The following MYO9B variants were observed in gnomAD, a reference collection of about 807,000 sequenced individuals.
MYO9B encodes unconventional myosin-IXb.
A neutral mutation model predicts 229.5 loss-of-function variants in MYO9B; 71 were observed. That is an observed-to-expected ratio of 0.31 (90% CI 0.26 to 0.38). The LOEUF is 0.38. MYO9B is among the 10% of genes least tolerant of loss of function. MYO9B has a pLI of 1.00. For synonymous variants in MYO9B, 1,185 were observed against 1,235.8 expected (o/e 0.96, Z 0.86); for missense variants, 2,255 against 2,920.5 (o/e 0.77, Z 5.25).
At chr19:17,132,178 C>CTGTTTTTTTTTTTTTTT (rs2072205888) in intron 2 of MYO9B, among the ~76,000 whole-genome samples, 1 of 78,424 alleles carries the variant, frequency 1.3e-5, no homozygotes, top group Non-Finnish European at 2.3e-5. Flanking sequence ...TATTTTATTT[C>CTGTTTTTTTTTTTTTTT]TTTTTTTTTT....
chr19:17,212,227 G>A lies in MYO9B; in HGVS notation c.6391G>A (p.Gly2131Ser), dbSNP rs1414170783. ...QGALEPLEEDGQPPGAKRRYS... is the reference protein window; with the variant it reads ...QGALEPLEEDSQPPGAKRRYS... ...CGCCCTGGAGCCCCTAGAAGAGGATGGCCAGCCACCTGGGGCCAAGCGGAG... is the reference window on the plus strand; with the variant it reads ...CGCCCTGGAGCCCCTAGAAGAGGATAGCCAGCCACCTGGGGCCAAGCGGAG... Residue 2131 changes from glycine (G) to serine (S), a missense_variant, in exon 40 of 40, where the codon GGC becomes AGC. By Grantham distance (56) the Gly-to-Ser change is moderately conservative (BLOSUM62 0). Transcript: ENST00000682292. The surrounding 1 kb of genome is among the most constrained non-coding windows in gnomAD (Gnocchi z 5.4). 1.9e-6 allele frequency: 3 copies of A among 1,582,608 alleles called. No homozygotes were observed. Among genetic ancestry groups the A allele is most frequent in the Admixed American group, 3.6e-5 (2 of 54,870 alleles).
intron 1 of MYO9B, among the ~76,000 whole-genome samples, chr19:17,093,783 G>A (rs936636672): frequency 1.3e-5 from 2 of 151,738 alleles, no homozygotes; most frequent in Admixed American, 6.6e-5. Context: ...GCCTCCACCC[G>A]CTGGGCTCAA....
In MYO9B at chr19:17,162,475, C is replaced by T; in HGVS notation, c.1536+9C>T. The stretch of plus-strand genomic sequence containing the variant: ...TGGAAGAGGCAGTCTCGGTGAGTGC[C>T]CCCATTTGCTTCCTCAAGCCCGGCC... On this transcript the variant is annotated intron_variant, in intron 9 of 39. Coordinates refer to ENST00000682292, the MANE Select transcript of MYO9B (RefSeq NM_004145.4). 6.4e-7 allele frequency: 1 copy of T among 1,553,390 alleles called. No homozygotes were observed. The highest frequency in any genetic ancestry group is 1.2e-5 in the South Asian group (1 of 84,202).
At chr19:17,162,306 G>A in intron 8 of MYO9B, 44 bp from the exon 9 acceptor site, 1 of 1,489,192 alleles carries the variant, frequency 6.7e-7, no homozygotes, top group Non-Finnish European at 9.1e-7. Flanking sequence ...CTCCAGCGCA[G>A]GGCCTGCCGT....
intron 20 of MYO9B, among the ~76,000 whole-genome samples, chr19:17,192,392 C>T (rs967775882): frequency 6.6e-6 from 1 of 150,850 alleles, no homozygotes; most frequent in Non-Finnish European, 1.5e-5. Flanking sequence ...GTTGGGAGTT[C>T]GAGACCAGCC....
chr19:17,183,983 CT>C (rs1206555357), intron 16 of MYO9B, 115 bp downstream of exon 16: 15 of 1,044,490 alleles, frequency 1.4e-5, no homozygotes, highest in Non-Finnish European at 2.1e-5. Flanking sequence ...CTATCTCCCC[CT>C]CCCTCCAAGA....
chr19:17,087,473 G>A (rs951694507), intron 1 of MYO9B, among the ~76,000 whole-genome samples: 4 of 152,144 alleles, frequency 2.6e-5, no homozygotes, highest in East Asian at 1.9e-4. Context: ...GGGAATATTC[G>A]GCTAAGGCAG....
At chr19:17,158,057 A>G (rs1381209601) in intron 7 of MYO9B, among the ~76,000 whole-genome samples, 1 of 152,184 alleles carries the variant, frequency 6.6e-6, no homozygotes, top group African/African-American at 2.4e-5. Context: ...TCTGCTAGGT[A>G]GAGGCCATGG....
chr19:17,077,479 T>G (rs2057496172), intron 1 of MYO9B, among the ~76,000 whole-genome samples: 1 of 152,190 alleles, frequency 6.6e-6, no homozygotes, highest in African/African-American at 2.4e-5. Context: ...AGGCTTGCAC[T>G]GGCCTACAGA....
At chr19:17,161,285 C>G (rs537830040) in intron 8 of MYO9B, among the ~76,000 whole-genome samples, 12 of 152,104 alleles carry the variant, frequency 7.9e-5, no homozygotes, top group African/African-American at 2.9e-4. Context: ...AAGGCTTCAG[C>G]GGCCGTTCCA....
At chr19:17,173,955 C>G (rs768375638) in intron 13 of MYO9B, among the ~76,000 whole-genome samples, 1 of 150,064 alleles carries the variant, frequency 6.7e-6, no homozygotes, top group Non-Finnish European at 1.5e-5. Flanking sequence ...AAATAGTGCT[C>G]TGTTTTGGGG....
chr19:17,096,671 T>G (rs1402676812), intron 1 of MYO9B, among the ~76,000 whole-genome samples: 1 of 85,068 alleles, frequency 1.2e-5, no homozygotes, highest in Non-Finnish European at 2.3e-5. Flanking sequence ...AGTTTGTTGT[T>G]GTTGTTGTTG....
At chr19:17,120,275 C>T (rs1192035332) in intron 2 of MYO9B, among the ~76,000 whole-genome samples, 1 of 152,170 alleles carries the variant, frequency 6.6e-6, no homozygotes. Flanking sequence ...GGAGTGAGCG[C>T]CCAAGACAGG....
intron 2 of MYO9B, among the ~76,000 whole-genome samples, chr19:17,113,319 G>A (rs939883427): frequency 6.6e-6 from 1 of 152,122 alleles, no homozygotes; most frequent in Admixed American, 6.5e-5. Context: ...GAAGGCCAGC[G>A]TGTCCAGGGC....
chr19:17,134,383 T>G (rs1202499230), intron 2 of MYO9B, among the ~76,000 whole-genome samples: 8 of 31,800 alleles, frequency 2.5e-4, no homozygotes, highest in Admixed American at 3.0e-4. Context: ...TTTTGTTTGT[T>G]TTTTTTTTTT....
intron 1 of MYO9B, among the ~76,000 whole-genome samples, chr19:17,079,592 C>G (rs1410001176): frequency 6.6e-6 from 1 of 152,186 alleles, no homozygotes; most frequent in Admixed American, 6.5e-5. Context: ...CCGCCCGTTC[C>G]CAAGCACATA....
At chr19:17,189,161 C>CA (rs35791077) in intron 19 of MYO9B, among the ~76,000 whole-genome samples, 33,217 of 133,588 alleles carry the variant, frequency 0.25, 3,984 homozygotes, top group East Asian at 0.46. Context: ...AACTCTGCCT[C>CA]AAAAAAAAAA....
chr19:17,210,977 CTTTTTTTTTTTT>C (rs35355662), intron 38 of MYO9B, 129 bp downstream of exon 38: 27 of 334,452 alleles, frequency 8.1e-5, no homozygotes, highest in South Asian at 7.5e-4. Flanking sequence ...GCAAACAACA[CTTTTTTTTTTTT>C]TTTTTTTTTT....
At chr19:17,148,838 C>T (rs2072445325) in intron 3 of MYO9B, among the ~76,000 whole-genome samples, 1 of 152,100 alleles carries the variant, frequency 6.6e-6, no homozygotes, top group Non-Finnish European at 1.5e-5. Flanking sequence ...CCTGCCTCGG[C>T]CTCCCCAAGT....
Sources: allele counts gnomAD v4.1 joint callset (sites outside exome capture counted in the v4.1 genomes callset), GRCh38; gene constraint gnomAD v4.1.1; non-coding constraint Gnocchi (gnomAD v3.1); transcripts MANE v1.5; gene names NCBI Gene and HGNC (gene_info 2026-07-23, HGNC 2026-07-21).